TTC27: variants seen among roughly 807,000 people sequenced by gnomAD.
TTC27 encodes the protein tetratricopeptide repeat domain 27.
In TTC27, 79 loss-of-function variants were observed where a neutral mutation model predicts 115.9. That is an observed-to-expected ratio of 0.68 (90% CI 0.57 to 0.82). The LOEUF is 0.82. TTC27 is among the 40% of genes least tolerant of loss of function. TTC27 has a pLI of 0.00. For synonymous variants in TTC27, 401 were observed against 356.0 expected (o/e 1.13, Z -1.42); for missense variants, 1,054 against 993.1 (o/e 1.06, Z -0.82).
chr2:32,806,395 A>G (rs1312248321), intron 16 of TTC27, among the ~76,000 whole-genome samples: 1 of 152,198 alleles, frequency 6.6e-6, no homozygotes. Flanking sequence ...GAAAGGTTAT[A>G]TATATGTTAC....
intron 18 of TTC27, among the ~76,000 whole-genome samples, chr2:32,813,201 A>G (rs1288476234): frequency 6.8e-6 from 1 of 146,260 alleles, no homozygotes; most frequent in Non-Finnish European, 1.6e-5. Flanking sequence ...GCATTTTTAT[A>G]TTTATATTTG....
chr2:32,766,588 C>T, intron 13 of TTC27: 1 of 209,676 alleles, frequency 4.8e-6, no homozygotes, highest in Non-Finnish European at 1.1e-5. Context: ...GTTTGTGGTG[C>T]CCCCAAACAA....
At chr2:32,757,828 G>A (rs1239536948) in intron 12 of TTC27, among the ~76,000 whole-genome samples, 1 of 152,076 alleles carries the variant, frequency 6.6e-6, no homozygotes, top group Non-Finnish European at 1.5e-5. Context: ...CACCCAAGAA[G>A]TTGGGATTAC....
intron 7 of TTC27, among the ~76,000 whole-genome samples, chr2:32,668,772 C>G (rs916217972): frequency 6.6e-6 from 1 of 151,854 alleles, no homozygotes; most frequent in Non-Finnish European, 1.5e-5. Context: ...GAAATTTTTT[C>G]AGAATTATTT....
At chr2:32,653,597 A>AC (rs1240305337) in intron 5 of TTC27, among the ~76,000 whole-genome samples, 2 of 151,352 alleles carry the variant, frequency 1.3e-5, no homozygotes, top group East Asian at 1.9e-4. Context: ...CCATCTCAAA[A>AC]AAAAAAAAAC....
intron 13 of TTC27, among the ~76,000 whole-genome samples, chr2:32,766,129 A>T (rs1484230203): frequency 1.3e-5 from 2 of 152,222 alleles, no homozygotes; most frequent in Non-Finnish European, 2.9e-5. Flanking sequence ...AGTTTTCGAC[A>T]TGCCTTTCTC....
At chr2:32,668,556 C>CCCTCCCTCCCTCCCTCCCTCCCTT (rs1665880403) in intron 7 of TTC27, among the ~76,000 whole-genome samples, 1 of 10,210 alleles carries the variant, frequency 9.8e-5, no homozygotes, top group Non-Finnish European at 2.6e-4. Context: ...CTCCCTCCCT[C>CCCTCCCTCCCTCCCTCCCTCCCTT]CCTCCCTTCC....
At chr2:32,755,428 C>T (rs562221228) in intron 12 of TTC27, among the ~76,000 whole-genome samples, 1 of 152,326 alleles carries the variant, frequency 6.6e-6, no homozygotes, top group South Asian at 2.1e-4. Context: ...CAAAAAAATA[C>T]GAAAACCAGA....
intron 16 of TTC27, among the ~76,000 whole-genome samples, chr2:32,793,021 A>G (rs1670587864): frequency 6.6e-6 from 1 of 152,192 alleles, no homozygotes; most frequent in Admixed American, 6.5e-5. Context: ...CAGAGAATGA[A>G]ACATAAGTTC....
intron 6 of TTC27, among the ~76,000 whole-genome samples, chr2:32,665,988 T>G (rs530434099): frequency 6.6e-6 from 1 of 152,334 alleles, no homozygotes; most frequent in Admixed American, 6.5e-5. Flanking sequence ...ATGTATGACT[T>G]AGAGCCAGAC....
At chr2:32,642,699 G>T (rs1027710375) in intron 4 of TTC27, among the ~76,000 whole-genome samples, 2 of 151,672 alleles carry the variant, frequency 1.3e-5, no homozygotes, top group African/African-American at 2.4e-5. Context: ...ACAGGCTCTG[G>T]CCCCGTTGCC....
intron 10 of TTC27, among the ~76,000 whole-genome samples, chr2:32,722,738 C>G (rs981235999): frequency 2.0e-5 from 3 of 152,134 alleles, no homozygotes; most frequent in Admixed American, 6.6e-5. Context: ...AGAAGTTAAT[C>G]GAGACTTTTG....
At chr2:32,745,973 G>A (rs1378602547) in intron 12 of TTC27, among the ~76,000 whole-genome samples, 1 of 152,146 alleles carries the variant, frequency 6.6e-6, no homozygotes, top group African/African-American at 2.4e-5. Context: ...ATAATTACAA[G>A]TTCTGCTTGA....
At chr2:32,696,236 G>A (rs923089555) in intron 9 of TTC27, among the ~76,000 whole-genome samples, 1 of 151,556 alleles carries the variant, frequency 6.6e-6, no homozygotes, top group Non-Finnish European at 1.5e-5. Context: ...AAAGCGGATT[G>A]ATACTCTGTT....
At chr2:32,632,323 T>C (rs1376288714) in intron 2 of TTC27, among the ~76,000 whole-genome samples, 1 of 152,090 alleles carries the variant, frequency 6.6e-6, no homozygotes, top group African/African-American at 2.4e-5. Flanking sequence ...TCTCATTGCT[T>C]TCTTATATGT....
chr2:32,791,194 A>G (rs976815379), intron 16 of TTC27, among the ~76,000 whole-genome samples: 1 of 152,200 alleles, frequency 6.6e-6, no homozygotes, highest in Non-Finnish European at 1.5e-5. Flanking sequence ...AATGTCATGA[A>G]TATCCTTGCA....
chr2:32,668,592 T>TCCTTCCTTCCTTCCTTCCTTCCTTCCTG, intron 7 of TTC27, among the ~76,000 whole-genome samples: 1 of 120,850 alleles, frequency 8.3e-6, no homozygotes, highest in Non-Finnish European at 1.7e-5. Context: ...CTTCCTTCCT[T>TCCTTCCTTCCTTCCTTCCTTCCTTCCTG]CCATTTTTAA....
At chr2:32,682,472 G>C (rs907365041) in intron 9 of TTC27, among the ~76,000 whole-genome samples, 3 of 152,148 alleles carry the variant, frequency 2.0e-5, no homozygotes, top group African/African-American at 7.2e-5. Flanking sequence ...CAGGCTAAAT[G>C]GATAAGATCT....
intron 8 of TTC27, 81 bp downstream of exon 8, chr2:32,672,465 G>A (rs959715658): frequency 1.9e-6 from 2 of 1,059,460 alleles, no homozygotes; most frequent in South Asian, 1.4e-5. Flanking sequence ...ATTCAAGGAG[G>A]TTCCAAGAGT....
Sources: allele counts gnomAD v4.1 joint callset (sites outside exome capture counted in the v4.1 genomes callset), GRCh38; gene constraint gnomAD v4.1.1; transcripts MANE v1.5; gene names NCBI Gene and HGNC (gene_info 2026-07-23, HGNC 2026-07-21).